Variants in ATXN1 observed in about 807,000 individuals in gnomAD.
ATXN1 encodes ataxin 1, also known as ataxin-1.
Under a neutral mutation model 56.4 loss-of-function variants are expected in ATXN1, and 8 were observed. The observed-to-expected ratio is 0.14, with a 90% CI of 0.08 to 0.26. The LOEUF (loss-of-function observed/expected upper bound fraction) is 0.26, where lower values mean the gene tolerates loss of function less well. Ranked by LOEUF, ATXN1 falls within the 10% of genes least tolerant of loss-of-function variation. ATXN1 has a pLI of 1.00. For missense variants in ATXN1, 987 were observed against 1,106.5 expected, an observed-to-expected ratio of 0.89 and a Z score of 1.53; for synonymous variants, 514 against 494.6, an observed-to-expected ratio of 1.04 and a Z score of -0.52.
intron 2 of ATXN1, among the ~76,000 whole-genome samples, chr6:16,663,996 CTG>C (rs2113371020): frequency 6.6e-6 from 1 of 152,280 alleles, no homozygotes; most frequent in African/African-American, 2.4e-5. Context: ...CCCAAAGTGA[CTG>C]TGTTTTATTA....
intron 3 of ATXN1, among the ~76,000 whole-genome samples, chr6:16,604,828 C>T (rs1762975071): frequency 6.6e-6 from 1 of 152,044 alleles, no homozygotes; most frequent in African/African-American, 2.4e-5. Flanking sequence ...CTAAGCAATC[C>T]TCCCACTTTG....
intron 6 of ATXN1, among the ~76,000 whole-genome samples, chr6:16,392,532 ATAGCCCAGGT>A (rs1362569491): frequency 2.0e-5 from 3 of 150,020 alleles, no homozygotes; most frequent in Non-Finnish European, 4.4e-5. Flanking sequence ...GTTTTGCTCT[ATAGCCCAGGT>A]TGGAGTGAAG....
At chr6:16,330,981 TCA>T (rs1431897935) in intron 6 of ATXN1, among the ~76,000 whole-genome samples, 1 of 151,882 alleles carries the variant, frequency 6.6e-6, no homozygotes, top group African/African-American at 2.4e-5. Context: ...AGGAGTAATG[TCA>T]CTTATTTACT....
At chr6:16,751,347 C>T (rs143157569) in intron 2 of ATXN1, among the ~76,000 whole-genome samples, 93 of 152,234 alleles carry the variant, frequency 6.1e-4, no homozygotes, top group African/African-American at 2.2e-3. Context: ...GTTACATTTC[C>T]ACTTAAAGAA....
intron 3 of ATXN1, chr6:16,615,316 C>T (rs556356576): frequency 1.3e-5 from 2 of 151,294 alleles, no homozygotes; most frequent in African/African-American, 2.4e-5. Flanking sequence ...TTGTCATCAT[C>T]GCATCTTGAA....
intron 5 of ATXN1, among the ~76,000 whole-genome samples, chr6:16,491,277 ATT>A (rs57395401): frequency 2.3e-4 from 31 of 132,208 alleles, no homozygotes; most frequent in East Asian, 2.2e-3. Flanking sequence ...TATTATTATT[ATT>A]TTTTTTTTTT....
intron 6 of ATXN1, among the ~76,000 whole-genome samples, chr6:16,483,577 A>C (rs1334536833): frequency 3.3e-5 from 5 of 152,216 alleles, no homozygotes; most frequent in Admixed American, 3.3e-4. Flanking sequence ...GAAAGTACTT[A>C]GCATGCACAA....
At chr6:16,357,064 C>G (rs896772142) in intron 6 of ATXN1, among the ~76,000 whole-genome samples, 1 of 152,004 alleles carries the variant, frequency 6.6e-6, no homozygotes, top group Non-Finnish European at 1.5e-5. Context: ...GGCCAAGAAA[C>G]CCAAATCTAT....
chr6:16,540,482 G>T (rs1284553627), intron 4 of ATXN1, among the ~76,000 whole-genome samples: 2 of 152,194 alleles, frequency 1.3e-5, no homozygotes, highest in Non-Finnish European at 2.9e-5. Flanking sequence ...AGAGTGCTGG[G>T]ATTACAGGCA....
chr6:16,668,915 T>C (rs527559559), intron 2 of ATXN1, among the ~76,000 whole-genome samples: 2 of 152,196 alleles, frequency 1.3e-5, no homozygotes, highest in African/African-American at 4.8e-5. Flanking sequence ...AGGATCTTTG[T>C]AATGAATATT....
chr6:16,403,701 C>A (rs1040617079), intron 6 of ATXN1, among the ~76,000 whole-genome samples: 1 of 152,090 alleles, frequency 6.6e-6, no homozygotes, highest in African/African-American at 2.4e-5. Context: ...TACCCTGTCC[C>A]CTCCTGAGTC....
chr6:16,337,984 G>C (rs534534092), intron 6 of ATXN1, among the ~76,000 whole-genome samples: 8 of 152,132 alleles, frequency 5.3e-5, no homozygotes, highest in African/African-American at 1.9e-4. Context: ...CTCACTACCC[G>C]ATGCATGAAG....
intron 2 of ATXN1, among the ~76,000 whole-genome samples, chr6:16,699,106 CTACAG>C (rs1414572827): frequency 2.0e-5 from 3 of 152,282 alleles, no homozygotes; most frequent in Middle Eastern, 6.8e-3. Flanking sequence ...AAATGTGGGG[CTACAG>C]TTCATCTGTA....
intron 2 of ATXN1, among the ~76,000 whole-genome samples, chr6:16,662,796 A>C (rs1296871806): frequency 1.3e-5 from 2 of 152,160 alleles, no homozygotes; most frequent in African/African-American, 4.8e-5. Flanking sequence ...AGTCTGGTTA[A>C]TTTGCGTCAT....
chr6:16,604,478 G>A (rs1057154569), intron 3 of ATXN1, among the ~76,000 whole-genome samples: 54 of 152,060 alleles, frequency 3.6e-4, no homozygotes, highest in African/African-American at 1.2e-3. Flanking sequence ...CAGCCTGGGT[G>A]ATGGAGAGAG....
chr6:16,596,247 T>C (rs1762812640), intron 3 of ATXN1, among the ~76,000 whole-genome samples: 1 of 152,174 alleles, frequency 6.6e-6, no homozygotes, highest in Admixed American at 6.5e-5. Context: ...TCCTCTCATC[T>C]TGGCCTCCCA....
intron 5 of ATXN1, among the ~76,000 whole-genome samples, chr6:16,516,475 C>G (rs937361636): frequency 2.0e-5 from 3 of 152,156 alleles, no homozygotes; most frequent in Admixed American, 2.0e-4. Flanking sequence ...TCCAATTTTT[C>G]TCTCTTCCAG....
chr6:16,702,494 T>C (rs1759307675), intron 2 of ATXN1, among the ~76,000 whole-genome samples: 2 of 152,130 alleles, frequency 1.3e-5, no homozygotes, highest in South Asian at 2.1e-4. Context: ...TGGGATCTAA[T>C]TAAACTAAAG....
chr6:16,338,180 C>A (rs1304386046), intron 6 of ATXN1, among the ~76,000 whole-genome samples: 3 of 152,148 alleles, frequency 2.0e-5, no homozygotes, highest in African/African-American at 7.2e-5. Context: ...CCCCAAACCA[C>A]CTATGTTATC....
Sources: allele counts gnomAD v4.1 joint callset (sites outside exome capture counted in the v4.1 genomes callset), GRCh38; gene constraint gnomAD v4.1.1; transcripts MANE v1.5; gene names NCBI Gene and HGNC (gene_info 2026-07-23, HGNC 2026-07-21).